Variants in ORMDL1 observed in about 807,000 individuals in gnomAD.
ORMDL1 encodes the protein ORM1-like protein 1.
ORMDL1 carries 10 observed loss-of-function variants against 13.0 expected under a neutral mutation model. That is an observed-to-expected ratio of 0.77 (90% CI 0.47 to 1.30). ORMDL1 has a LOEUF of 1.30. Among genes scored for constraint, ORMDL1 ranks in the 50% most tolerant of loss-of-function variants. The pLI is 0.00. For missense variants in ORMDL1, 171 were observed against 186.7 expected (o/e 0.92, Z 0.49); for synonymous variants, 61 against 63.9 (o/e 0.95, Z 0.22).
At chr2:189,775,412 T>C (rs1398401322) in intron 4 of ORMDL1, 153 bp downstream of exon 4, 1 of 781,070 alleles carries the variant, frequency 1.3e-6, no homozygotes, top group Admixed American at 3.2e-5. Flanking sequence ...ATCAACTTGT[T>C]AAAAATTTTG....
At chr2:189,765,147 A>G in the ORMDL1 span, 2 of 152,260 alleles carry the variant, frequency 1.3e-5, no homozygotes, top group African/African-American at 4.8e-5. Context: ...CTATTTTTCA[A>G]TATTTATTTC....
downstream of ORMDL1, among the ~76,000 whole-genome samples, chr2:189,765,839 A>ATTTTTTTTTT (rs72132150): frequency 9.4e-6 from 1 of 106,750 alleles, no homozygotes; most frequent in Non-Finnish European, 1.8e-5. Flanking sequence ...TACTTTCTCC[A>ATTTTTTTTTT]TTTTTTTTTT....
At chr2:189,778,391 T>C in intron 3 of ORMDL1, 1 of 453,426 alleles carries the variant, frequency 2.2e-6, no homozygotes, top group Non-Finnish European at 4.4e-6. Flanking sequence ...TGAAACTCCG[T>C]CTCAAAAAAA....
intron 3 of ORMDL1, among the ~76,000 whole-genome samples, chr2:189,777,058 ATAACAATT>A (rs2047712910): frequency 6.6e-6 from 1 of 152,252 alleles, no homozygotes; most frequent in African/African-American, 2.4e-5. Context: ...TTCAGCTCAA[ATAACAATT>A]CCTTAGAAAA....
At chr2:189,766,239 T>A (rs1401161028), downstream of ORMDL1, among the ~76,000 whole-genome samples, 2 of 152,250 alleles carry the variant, frequency 1.3e-5, no homozygotes, top group Non-Finnish European at 2.9e-5. Context: ...GGGTTTTGTT[T>A]GCTGAACCAT....
At chr2:189,768,558 G>A (rs991012806), downstream of ORMDL1, among the ~76,000 whole-genome samples, 1 of 152,184 alleles carries the variant, frequency 6.6e-6, no homozygotes, top group Non-Finnish European at 1.5e-5. Flanking sequence ...AATGTCTTAA[G>A]AGTTTGGTTT....
At position 189,770,432 on chromosome 2, in the gene ORMDL1, C is replaced by G. The variant is rs768159365; in HGVS notation, c.*1335G>C. 6.6e-6 allele frequency: 1 copy of G among 152,092 alleles called. No homozygotes were observed. Among genetic ancestry groups the G allele is most frequent in the Non-Finnish European group, 1.5e-5 (1 of 68,010 alleles). The allele number at this position is 152,092 out of a possible 1,614,324, so 9.4% of individuals were successfully genotyped here. A position where few individuals can be genotyped will look rare whatever the true frequency, so the allele number is the denominator to read the frequency against. ...TAGTATCATACAACTGATTTCTAAACTCAATACTTTTGAGATACAAAACAA... is the reference window on the plus strand; with the variant it reads ...TAGTATCATACAACTGATTTCTAAAGTCAATACTTTTGAGATACAAAACAA... On this transcript the variant is annotated 3_prime_UTR_variant, in exon 5 of 5. Transcript: ENST00000392349.
Position 189,771,741 on chromosome 2 carries a change from A to T in ORMDL1, c.*26T>A. On this transcript the variant is annotated 3_prime_UTR_variant, in exon 5 of 5. Coordinates refer to ENST00000392349, the MANE Select transcript of ORMDL1 (RefSeq NM_016467.5). ...CCTTATAAGAAATTCAGTAGCTGTA[A>T]AATTTTTTTTCAGTTTCAAAACATT... 1 of 1,564,512 alleles carries T rather than the reference A, an allele frequency of 6.4e-7. No individual in the cohort carries two copies. Among genetic ancestry groups the T allele is most frequent in the Non-Finnish European group, 8.6e-7 (1 of 1,158,302 alleles).
intron 4 of ORMDL1, among the ~76,000 whole-genome samples, chr2:189,774,266 T>A (rs1226514710): frequency 6.6e-6 from 1 of 152,232 alleles, no homozygotes; most frequent in Non-Finnish European, 1.5e-5. Context: ...TCAAACCATC[T>A]TCCTGCCTCA....
rs5742926 is a variant in ORMDL1 at position 189,784,079 on chromosome 2, G to T, written c.-118+190C>A. 0.11 allele frequency: 17,399 copies of T among 152,424 alleles called. 1,183 individuals are homozygous for T. The highest frequency in any genetic ancestry group is 0.18 in the Middle Eastern group (52 of 296). The allele number at this position is 152,424 out of a possible 1,614,324, so 9.4% of individuals were successfully genotyped here. A position where few individuals can be genotyped will look rare whatever the true frequency, so the allele number is the denominator to read the frequency against. On this transcript the variant is annotated intron_variant, in intron 1 of 4. Coordinates refer to ENST00000392349, the MANE Select transcript of ORMDL1 (RefSeq NM_016467.5). ...TTCTCGCGGCCGCACGTCACGTCAGGACCCTGGCAAGACAACGAGGATTTG... is the reference window on the plus strand; with the variant it reads ...TTCTCGCGGCCGCACGTCACGTCAGTACCCTGGCAAGACAACGAGGATTTG...
chr2:189,778,395 A>C, intron 3 of ORMDL1: 1 of 441,742 alleles, frequency 2.3e-6, no homozygotes. Context: ...ACTCCGTCTC[A>C]AAAAAAAAGG....
At chr2:189,768,008 A>G (rs1265273430), downstream of ORMDL1, among the ~76,000 whole-genome samples, 1 of 152,224 alleles carries the variant, frequency 6.6e-6, no homozygotes, top group Non-Finnish European at 1.5e-5. Context: ...ATTCTCATGC[A>G]TTCATTTGTA....
chr2:189,782,914 A>C (rs974078459), intron 2 of ORMDL1, 100 bp downstream of exon 2: 1 of 228,324 alleles, frequency 4.4e-6, no homozygotes, highest in Non-Finnish European at 8.6e-6. Flanking sequence ...ACTGAAAGAG[A>C]AAACCTACAT....
chr2:189,769,229 A>T (rs2047531763), downstream of ORMDL1, among the ~76,000 whole-genome samples: 1 of 152,084 alleles, frequency 6.6e-6, no homozygotes, highest in African/African-American at 2.4e-5. Flanking sequence ...CTCTACTAAA[A>T]ATACAAAATT....
At chr2:189,782,163 G>A (rs2047857802) in intron 3 of ORMDL1, among the ~76,000 whole-genome samples, 1 of 152,112 alleles carries the variant, frequency 6.6e-6, no homozygotes, top group Non-Finnish European at 1.5e-5. Flanking sequence ...GGCTGGTCTT[G>A]AACTCCTGAC....
At chr2:189,775,759 C>A in intron 3 of ORMDL1, 43 bp from the exon 4 acceptor site, 3 of 1,569,920 alleles carry the variant, frequency 1.9e-6, no homozygotes, top group South Asian at 1.2e-5. Flanking sequence ...ATATTAAATA[C>A]AAAATTAGTC....
chr2:189,782,332 G>T, intron 3 of ORMDL1, 90 bp downstream of exon 3: 1 of 1,200,312 alleles, frequency 8.3e-7, no homozygotes, highest in Non-Finnish European at 1.2e-6. Context: ...TACCCATTAA[G>T]CAATAACTTT....
intron 3 of ORMDL1, among the ~76,000 whole-genome samples, chr2:189,777,400 C>A (rs544411088): frequency 6.6e-6 from 1 of 151,918 alleles, no homozygotes; most frequent in Non-Finnish European, 1.5e-5. Flanking sequence ...TATAGGACCC[C>A]CAAAAAGTTA....
At chr2:189,780,346 T>C (rs946908878) in intron 3 of ORMDL1, among the ~76,000 whole-genome samples, 1 of 152,210 alleles carries the variant, frequency 6.6e-6, no homozygotes, top group African/African-American at 2.4e-5. Flanking sequence ...TCAACCTGTA[T>C]ATTAATTGCT....
Sources: gnomAD v4.1 joint callset for allele counts (sites outside exome capture counted in the v4.1 genomes callset) on GRCh38, gnomAD v4.1.1 for gene constraint, MANE v1.5 for transcripts, NCBI Gene and HGNC (gene_info 2026-07-23, HGNC 2026-07-21) for gene names.